The following CHRDL1 variants were observed in gnomAD, a reference collection of about 807,000 sequenced individuals.
CHRDL1 encodes the protein chordin-like protein 1.
A neutral mutation model predicts 40.9 loss-of-function variants in CHRDL1; 19 were observed. The observed-to-expected ratio is 0.46, with a 90% CI of 0.32 to 0.68. The LOEUF is 0.68. Ranked by LOEUF, CHRDL1 falls within the 30% of genes least tolerant of loss-of-function variation. The pLI, the probability that CHRDL1 is intolerant of heterozygous loss-of-function variation, is 0.03. For missense variants in CHRDL1, 329 were observed against 352.1 expected (o/e 0.93, Z 0.53); for synonymous variants, 136 against 123.4 (o/e 1.10, Z -0.68).
Position 110,689,474 on chromosome X carries a change from ATCTATATATCTATATC to A in CHRDL1, c.779-687_779-672del, listed in dbSNP as rs1212856451. ...TCTATATATCTATATATATCTATAT[ATCTATATATCTATATC>A]TCTATATATCTATATATCTATATCT... On this transcript the variant is annotated intron_variant, in intron 8 of 11. Coordinates refer to ENST00000372042, the MANE Select transcript of CHRDL1 (RefSeq NM_001143981.2). 3.9e-4 allele frequency among the ~76,000 whole-genome samples: 19 copies of A among 49,071 alleles called. 4 individuals carry two copies. The highest frequency in any genetic ancestry group is 1.6e-3 in the African/African-American group (4 of 2,505). The allele number at this position is 49,071 out of a possible 115,157, so 42.6% of individuals were successfully genotyped here.
intron 9 of CHRDL1, among the ~76,000 whole-genome samples, chrX:110,683,548 A>G (rs973628020): frequency 1.8e-5 from 2 of 112,090 alleles, no homozygotes; most frequent in African/African-American, 3.2e-5. Flanking sequence ...ACCTAAAAGG[A>G]GTATGTAATT....
At chrX:110,696,242 A>G (rs1309634899) in intron 7 of CHRDL1, among the ~76,000 whole-genome samples, 1 of 111,692 alleles carries the variant, frequency 9.0e-6, no homozygotes, top group Non-Finnish European at 1.9e-5. Flanking sequence ...GATGGTGAAC[A>G]CAAAATGAAA....
chrX:110,730,742 C>T (rs1448017647), intron 4 of CHRDL1, among the ~76,000 whole-genome samples: 1 of 110,900 alleles, frequency 9.0e-6, no homozygotes. Flanking sequence ...ACTGCCATGG[C>T]TCCCACCGTA....
intron 2 of CHRDL1, among the ~76,000 whole-genome samples, chrX:110,771,298 A>T (rs747298356): frequency 1.8e-5 from 2 of 111,899 alleles, no homozygotes; most frequent in South Asian, 7.5e-4. Flanking sequence ...CTTCCAGAAA[A>T]CTGAAGAGGA....
intron 4 of CHRDL1, among the ~76,000 whole-genome samples, chrX:110,723,160 A>G (rs1325354139): frequency 9.0e-6 from 1 of 111,087 alleles, no homozygotes; most frequent in African/African-American, 3.3e-5. Context: ...CTGAGGCAGG[A>G]GAATGGCGTG....
chrX:110,736,144 G>A (rs1438161478), intron 4 of CHRDL1, among the ~76,000 whole-genome samples: 4 of 112,344 alleles, frequency 3.6e-5, no homozygotes, highest in African/African-American at 6.5e-5. Flanking sequence ...TCTTCCTGAC[G>A]ACCAAGGAGG....
intron 4 of CHRDL1, among the ~76,000 whole-genome samples, chrX:110,748,073 G>A (rs2089290843): frequency 8.9e-6 from 1 of 111,798 alleles, no homozygotes; most frequent in Admixed American, 9.5e-5. Context: ...CCCTTTGGAA[G>A]TGGAAGGAGA....
chrX:110,703,606 T>C (rs1349708856), intron 6 of CHRDL1, among the ~76,000 whole-genome samples: 2 of 111,259 alleles, frequency 1.8e-5, no homozygotes, highest in African/African-American at 6.5e-5. Flanking sequence ...TACACCCAGG[T>C]TGGAGGTGAT....
chrX:110,755,897 C>T (rs754756324), intron 4 of CHRDL1, among the ~76,000 whole-genome samples: 1 of 111,350 alleles, frequency 9.0e-6, no homozygotes, highest in Non-Finnish European at 1.9e-5. Flanking sequence ...AGGACTGTGC[C>T]AACTCTATCT....
chrX:110,742,775 A>G (rs1352515297), intron 4 of CHRDL1, among the ~76,000 whole-genome samples: 1 of 111,946 alleles, frequency 8.9e-6, no homozygotes. Flanking sequence ...TCACTTCAAG[A>G]AAGTTACAGA....
chrX:110,791,049 C>T (rs911451148), intron 2 of CHRDL1, among the ~76,000 whole-genome samples: 3 of 110,073 alleles, frequency 2.7e-5, no homozygotes, highest in Non-Finnish European at 5.7e-5. Context: ...ATAGGCTTGG[C>T]ACTGTTCTCC....
rs972637069 is a variant in CHRDL1 at position 110,698,110 on chromosome X, T to C, written c.609+2544A>G. On this transcript the variant is annotated intron_variant, in intron 7 of 11. Transcript: ENST00000372042. ...AGAGGTTTTGCTGGTTCCCGGTAAA[T>C]AGGAACAGTTTACGAAAAGGACAGT... Among the ~76,000 whole-genome samples the C allele has an allele frequency of 2.7e-5, 3 of 111,159 alleles. No homozygotes were observed. In the Admixed American group the frequency reaches 2.9e-4, roughly 11 times the overall value.
chrX:110,765,239 C>T lies in CHRDL1; in HGVS notation c.95-2432G>A, dbSNP rs979811246. Among the ~76,000 whole-genome samples, 5 of 111,694 alleles carry T rather than the reference C, an allele frequency of 4.5e-5. No individual in the cohort carries two copies. In the East Asian group the frequency reaches 1.4e-3, roughly 32 times the overall value. ...TGTGGCTCAGGTGGGCATCACCATC[C>T]TACCGATATGTGATTTCACCCCCAG... On this transcript the variant is annotated intron_variant, in intron 2 of 11. Transcript: ENST00000372042.
At chrX:110,718,686 A>T (rs2070887573) in intron 6 of CHRDL1, among the ~76,000 whole-genome samples, 1 of 112,135 alleles carries the variant, frequency 8.9e-6, no homozygotes, top group African/African-American at 3.2e-5. Flanking sequence ...CTTAAATGTC[A>T]CCTTCTCAGA....
intron 1 of CHRDL1, among the ~76,000 whole-genome samples, chrX:110,795,064 T>C (rs757918601): frequency 6.2e-5 from 7 of 112,502 alleles, no homozygotes; most frequent in Non-Finnish European, 1.3e-4. Context: ...TGACAAACAA[T>C]GCCTCGCATT....
intron 2 of CHRDL1, among the ~76,000 whole-genome samples, chrX:110,781,365 A>G (rs1480834): frequency 0.031 from 3,458 of 111,602 alleles, 124 homozygotes; most frequent in African/African-American, 0.11. Flanking sequence ...ATTCATACTT[A>G]TATGAGTCTG....
intron 2 of CHRDL1, among the ~76,000 whole-genome samples, chrX:110,779,468 T>G (rs1005843081): frequency 9.0e-5 from 10 of 111,672 alleles, no homozygotes; most frequent in African/African-American, 3.2e-4. Flanking sequence ...AAAGACTATT[T>G]TTTCTCCATT....
chrX:110,699,473 T>C (rs1394428646), intron 7 of CHRDL1, among the ~76,000 whole-genome samples: 3 of 112,121 alleles, frequency 2.7e-5, no homozygotes, highest in Non-Finnish European at 5.6e-5. Flanking sequence ...GAAAATCAAA[T>C]ATATTTTATT....
chrX:110,776,734 T>C (rs1010243483), intron 2 of CHRDL1, among the ~76,000 whole-genome samples: 3 of 110,342 alleles, frequency 2.7e-5, no homozygotes, highest in Non-Finnish European at 5.7e-5. Flanking sequence ...GTACAGAGAT[T>C]TCCCATATAC....
Sources: allele counts gnomAD v4.1 joint callset (sites outside exome capture counted in the v4.1 genomes callset), GRCh38; gene constraint gnomAD v4.1.1; transcripts MANE v1.5; gene names NCBI Gene and HGNC (gene_info 2026-07-23, HGNC 2026-07-21).